PPP3CA: variants seen among roughly 807,000 people sequenced by gnomAD.
PPP3CA encodes the protein CAM-PRP catalytic subunit.
PPP3CA carries 14 observed loss-of-function variants against 66.5 expected under a neutral mutation model. The observed-to-expected ratio is 0.21, with a 90% CI of 0.14 to 0.33. The LOEUF is 0.33. PPP3CA is among the 10% of genes least tolerant of loss of function. The pLI is 1.00. For missense variants in PPP3CA, 317 were observed against 639.5 expected (o/e 0.50, Z 5.44); for synonymous variants, 232 against 226.2 (o/e 1.03, Z -0.23).
chr4:101,183,799 C>A (rs1297299299), intron 2 of PPP3CA, among the ~76,000 whole-genome samples: 1 of 152,064 alleles, frequency 6.6e-6, no homozygotes, highest in Non-Finnish European at 1.5e-5. Flanking sequence ...TCTATCAAGG[C>A]TATTGCACTG....
intron 2 of PPP3CA, among the ~76,000 whole-genome samples, chr4:101,170,505 A>C (rs1157053859): frequency 1.3e-5 from 2 of 152,172 alleles, no homozygotes; most frequent in Non-Finnish European, 2.9e-5. Flanking sequence ...AATGGAATTT[A>C]ACTAACTGGA....
intron 1 of PPP3CA, among the ~76,000 whole-genome samples, chr4:101,330,739 C>T (rs951010900): frequency 4.6e-5 from 7 of 151,918 alleles, no homozygotes; most frequent in South Asian, 4.1e-4. Flanking sequence ...AAAAAGGCAA[C>T]GTCTACAAAA....
At chr4:101,126,810 T>C (rs946474445) in intron 2 of PPP3CA, among the ~76,000 whole-genome samples, 5 of 152,158 alleles carry the variant, frequency 3.3e-5, no homozygotes, top group Admixed American at 2.6e-4. Flanking sequence ...ATAAGTAAAA[T>C]CTACCTGTGT....
At chr4:101,147,878 T>C (rs1723018813) in intron 2 of PPP3CA, among the ~76,000 whole-genome samples, 2 of 152,156 alleles carry the variant, frequency 1.3e-5, no homozygotes, top group Admixed American at 1.3e-4. Flanking sequence ...TTTCTAGCTG[T>C]CACAAGTGTC....
At chr4:101,286,079 G>A (rs961971011) in intron 1 of PPP3CA, among the ~76,000 whole-genome samples, 1 of 152,094 alleles carries the variant, frequency 6.6e-6, no homozygotes, top group Admixed American at 6.6e-5. Flanking sequence ...AGATCATCAG[G>A]CATTTGTTAG....
At chr4:101,320,482 G>A (rs960974567) in intron 1 of PPP3CA, among the ~76,000 whole-genome samples, 3 of 125,564 alleles carry the variant, frequency 2.4e-5, no homozygotes, top group African/African-American at 4.0e-5. Context: ...GTATGTGTGT[G>A]TGTGTGTGTA....
chr4:101,096,469 A>G (rs1359834862), intron 5 of PPP3CA, among the ~76,000 whole-genome samples: 1 of 152,234 alleles, frequency 6.6e-6, no homozygotes, highest in Non-Finnish European at 1.5e-5. Context: ...TAAACAAAAT[A>G]GTACAATAGC....
intron 1 of PPP3CA, among the ~76,000 whole-genome samples, chr4:101,277,365 G>C (rs1003036740): frequency 1.3e-5 from 2 of 152,064 alleles, no homozygotes; most frequent in Non-Finnish European, 2.9e-5. Context: ...ATTTGTGTAC[G>C]GGTTTTTGCG....
chr4:101,282,269 GC>G (rs1194201417), intron 1 of PPP3CA, among the ~76,000 whole-genome samples: 1 of 152,062 alleles, frequency 6.6e-6, no homozygotes, highest in Non-Finnish European at 1.5e-5. Flanking sequence ...GAGCTAAGTG[GC>G]AACAGAAAAA....
intron 1 of PPP3CA, among the ~76,000 whole-genome samples, chr4:101,327,557 C>T (rs1729245554): frequency 6.6e-6 from 1 of 151,392 alleles, no homozygotes; most frequent in African/African-American, 2.4e-5. Flanking sequence ...CACTTGGTTC[C>T]CATGTACTAC....
At chr4:101,096,775 GATAC>G (rs756401576) in intron 5 of PPP3CA, among the ~76,000 whole-genome samples, 15 of 152,250 alleles carry the variant, frequency 9.9e-5, no homozygotes, top group Non-Finnish European at 2.1e-4. Context: ...AGGTTAATAT[GATAC>G]ATGGATACAT....
chr4:101,305,602 A>C (rs1050587906), intron 1 of PPP3CA, among the ~76,000 whole-genome samples: 1 of 152,218 alleles, frequency 6.6e-6, no homozygotes, highest in Non-Finnish European at 1.5e-5. Context: ...CAGAGTACAA[A>C]TATGGAGGAA....
intron 2 of PPP3CA, among the ~76,000 whole-genome samples, chr4:101,131,006 C>T (rs1305368918): frequency 1.3e-5 from 2 of 152,036 alleles, no homozygotes; most frequent in South Asian, 4.2e-4. Flanking sequence ...GTGGGCAGAT[C>T]ACCTGAGATT....
intron 1 of PPP3CA, among the ~76,000 whole-genome samples, chr4:101,340,194 A>G (rs1270288602): frequency 6.6e-6 from 1 of 152,164 alleles, no homozygotes; most frequent in African/African-American, 2.4e-5. Flanking sequence ...GCAGACAGAC[A>G]CAAGCAAAAT....
intron 1 of PPP3CA, among the ~76,000 whole-genome samples, chr4:101,315,621 T>C (rs977256998): frequency 6.6e-6 from 1 of 152,228 alleles, no homozygotes; most frequent in Non-Finnish European, 1.5e-5. Context: ...TCTGCTAGAA[T>C]TTAATTCAGC....
chr4:101,060,156 T>TG (rs1325884412), intron 10 of PPP3CA, among the ~76,000 whole-genome samples: 3 of 152,078 alleles, frequency 2.0e-5, no homozygotes, highest in African/African-American at 7.2e-5. Context: ...GGTATGACCA[T>TG]GGCTCACTGC....
At chr4:101,312,355 A>G (rs1317623958) in intron 1 of PPP3CA, among the ~76,000 whole-genome samples, 2 of 152,116 alleles carry the variant, frequency 1.3e-5, no homozygotes, top group Non-Finnish European at 2.9e-5. Context: ...AACTGTCTGT[A>G]TATAAATTAT....
chr4:101,226,300 T>C (rs183477923), intron 1 of PPP3CA, among the ~76,000 whole-genome samples: 15 of 151,820 alleles, frequency 9.9e-5, no homozygotes, highest in African/African-American at 3.4e-4. Context: ...CCCTAGTTGT[T>C]GTCATATCCA....
chr4:101,227,665 T>C (rs1456488893), intron 1 of PPP3CA, among the ~76,000 whole-genome samples: 1 of 151,568 alleles, frequency 6.6e-6, no homozygotes, highest in African/African-American at 2.4e-5. Context: ...TATGTCGTCA[T>C]CCAGGTAATA....
Sources: gnomAD v4.1 joint callset for allele counts (sites outside exome capture counted in the v4.1 genomes callset) on GRCh38, gnomAD v4.1.1 for gene constraint, MANE v1.5 for transcripts, NCBI Gene and HGNC (gene_info 2026-07-23, HGNC 2026-07-21) for gene names.